Variants in GNL3L observed in about 807,000 individuals in gnomAD.
GNL3L encodes the protein guanine nucleotide-binding protein-like 3-like protein.
A neutral mutation model predicts 42.9 loss-of-function variants in GNL3L; 4 were observed. The observed-to-expected ratio is 0.09, with a 90% CI of 0.05 to 0.21. The LOEUF (loss-of-function observed/expected upper bound fraction) is 0.21. GNL3L is among the 10% of genes least tolerant of loss of function. GNL3L has a pLI of 1.00. For synonymous variants in GNL3L, 159 were observed against 176.3 expected, an observed-to-expected ratio of 0.90 and a Z score of 0.78; for missense variants, 412 against 481.7, an observed-to-expected ratio of 0.86 and a Z score of 1.36.
intron 16 of GNL3L, among the ~76,000 whole-genome samples, chrX:54,586,956 G>A (rs1166990197): frequency 1.8e-5 from 2 of 111,834 alleles, no homozygotes; most frequent in Non-Finnish European, 3.8e-5. Context: ...TGGAGACAAG[G>A]CCAACCAACC....
chrX:54,573,667 A>C (rs1411637192), intron 16 of GNL3L, among the ~76,000 whole-genome samples: 1 of 111,650 alleles, frequency 9.0e-6, no homozygotes, highest in Admixed American at 9.5e-5. Context: ...CAACTCAGAC[A>C]TTGTAGTTTT....
Position 54,560,806 on chromosome X carries a change from C to T in GNL3L, c.*204C>T, listed in dbSNP as rs1387970153. ...CTGTAATCCCAGCACTTTGGGAGGC[C>T]GAGGTGGGCAGATCACCTGAGGTCA... is the stretch of plus-strand genomic sequence containing the variant. On this transcript the variant is annotated 3_prime_UTR_variant, in exon 16 of 16. Coordinates refer to ENST00000360845, the MANE Select transcript of GNL3L (RefSeq NM_001184819.2). 3.2e-5 allele frequency: 10 copies of T among 313,528 alleles called. No individual in the cohort carries two copies. The highest frequency in any genetic ancestry group is 2.0e-4 in the South Asian group (3 of 15,326). The allele number at this position is 313,528 out of a possible 1,213,427, so 25.8% of individuals were successfully genotyped here. A position where few individuals can be genotyped will look rare whatever the true frequency, so the allele number is the denominator to read the frequency against.
intron 10 of GNL3L, 104 bp from the exon 11 acceptor site, chrX:54,551,464 C>A: frequency 1.6e-6 from 1 of 643,808 alleles, no homozygotes; most frequent in Non-Finnish European, 2.5e-6. Context: ...GTCTCTAATG[C>A]ACCCTCCCCT....
At chrX:54,585,424 T>G (rs1925771052) in intron 16 of GNL3L, among the ~76,000 whole-genome samples, 1 of 111,547 alleles carries the variant, frequency 9.0e-6, no homozygotes, top group African/African-American at 3.3e-5. Context: ...GATTACTGAT[T>G]CAGTCTTCTA....
intron 8 of GNL3L, 94 bp downstream of exon 8, chrX:54,544,420 T>C: frequency 4.3e-6 from 2 of 469,575 alleles, no homozygotes; most frequent in Non-Finnish European, 7.6e-6. Flanking sequence ...TCCAGCCCTT[T>C]AGTAATTGAA....
chrX:54,548,313 G>T lies in GNL3L; in HGVS notation c.715G>T (p.Val239Phe). ...ACFGAENLMR[V>F]LGNYCRLGEV... ...CTTTGGAGCTGAAAACCTCATGAGG[G>T]TTCTGGGGAACTATTGCCGCCTTGG... Residue 239 changes from valine to phenylalanine, a missense_variant, in exon 9 of 16, where the codon GTT (valine) becomes TTT (phenylalanine). By Grantham distance (50) the Val-to-Phe change is conservative (BLOSUM62 -1). Transcript: ENST00000360845. 1 of 1,205,706 alleles carries T rather than the reference G, an allele frequency of 8.3e-7. No homozygotes were observed. The highest frequency in any genetic ancestry group is 1.8e-5 in the South Asian group (1 of 56,716).
At chrX:54,567,687 C>T (rs1333084713), downstream of GNL3L, among the ~76,000 whole-genome samples, 2 of 109,071 alleles carry the variant, frequency 1.8e-5, no homozygotes, top group Non-Finnish European at 3.8e-5. Context: ...GCATCCCTGT[C>T]TTGTTTCTGA....
At chrX:54,568,406 T>C (rs7891934), downstream of GNL3L, among the ~76,000 whole-genome samples, 1,276 of 111,731 alleles carry the variant, frequency 0.011, 15 homozygotes, top group African/African-American at 0.04. Context: ...TGAGTTTCAC[T>C]GGGCCAAAAT....
rs749670623 is a variant in GNL3L, at chrX:54,544,268, G to A, written c.572G>A (p.Arg191Gln). The change falls in exon 8 of 16, where the codon CGG becomes CAG. Residue 191 changes from arginine to glutamine, a missense_variant. Transcript: ENST00000360845. ...EVVEKWLDYL[R>Q]NELPTVAFKA... is the part of the protein sequence containing the mutation. Reference sequence around the variant, plus strand: ...GTGGAGAAATGGCTGGATTACCTTCGGAATGAGTTGCCAACCGTGGCTTTC... The same window carrying A: ...GTGGAGAAATGGCTGGATTACCTTCAGAATGAGTTGCCAACCGTGGCTTTC... 50 of 1,195,406 alleles carry A rather than the reference G, an allele frequency of 4.2e-5. No homozygotes were observed. The Middle Eastern group carries it at 1.4e-3, about 33-fold the overall frequency.
chrX:54,600,322 G>T (rs1288503746), intron 16 of GNL3L, among the ~76,000 whole-genome samples: 1 of 100,534 alleles, frequency 9.9e-6, no homozygotes, highest in Admixed American at 1.2e-4. Context: ...TGCATCCCGG[G>T]TTCAAGTGAT....
intron 16 of GNL3L, among the ~76,000 whole-genome samples, chrX:54,596,483 A>G (rs1277090989): frequency 9.0e-6 from 1 of 111,574 alleles, no homozygotes; most frequent in African/African-American, 3.3e-5. Flanking sequence ...TATAGCCACC[A>G]CCAGTAGGAC....
chrX:54,543,162 C>T, intron 6 of GNL3L, 45 bp from the exon 7 acceptor site: 1 of 1,193,487 alleles, frequency 8.4e-7, no homozygotes, highest in Non-Finnish European at 1.1e-6. Context: ...ATCACTGCTA[C>T]CCTATCCTTT....
intron 2 of GNL3L, among the ~76,000 whole-genome samples, chrX:54,535,150 G>A (rs975944446): frequency 1.8e-5 from 2 of 111,459 alleles, no homozygotes; most frequent in African/African-American, 6.5e-5. Context: ...ATGCAGTCTC[G>A]CCCTGTCACC....
At chrX:54,536,301 T>C (rs1302327632) in intron 2 of GNL3L, among the ~76,000 whole-genome samples, 1 of 109,269 alleles carries the variant, frequency 9.2e-6, no homozygotes, top group Non-Finnish European at 1.9e-5. Flanking sequence ...GGTCTTGAAC[T>C]TCTGACCTCA....
At chrX:54,546,427 G>A (rs760532383) in intron 8 of GNL3L, among the ~76,000 whole-genome samples, 2 of 111,245 alleles carry the variant, frequency 1.8e-5, no homozygotes, top group African/African-American at 3.3e-5. Context: ...TAGAGAAAGG[G>A]AGTGGCTGGG....
chrX:54,610,786 C>G (rs891953911), intron 16 of GNL3L, among the ~76,000 whole-genome samples: 1 of 111,596 alleles, frequency 9.0e-6, no homozygotes, highest in Non-Finnish European at 1.9e-5. Flanking sequence ...CTATGTTCAT[C>G]AAGGATATTG....
the GNL3L span, among the ~76,000 whole-genome samples, chrX:54,637,268 C>T: frequency 5.9e-3 from 654 of 111,074 alleles, 1 homozygote; most frequent in Non-Finnish European, 0.01. Flanking sequence ...ATTATGACCC[C>T]GAAATTAAAT....
chrX:54,531,335 G>A (rs1405794722), intron 1 of GNL3L, among the ~76,000 whole-genome samples: 3 of 108,916 alleles, frequency 2.8e-5, no homozygotes, highest in Non-Finnish European at 5.7e-5. Context: ...CTCCCTCCCT[G>A]TAATGTTGAG....
intron 6 of GNL3L, 80 bp downstream of exon 6, chrX:54,543,118 G>A: frequency 9.0e-7 from 1 of 1,105,516 alleles, no homozygotes; most frequent in Non-Finnish European, 1.2e-6. Flanking sequence ...GTTTTTTCCT[G>A]ACTGAGATGG....
Sources: gnomAD v4.1 joint callset for allele counts (sites outside exome capture counted in the v4.1 genomes callset) on GRCh38, gnomAD v4.1.1 for gene constraint, MANE v1.5 for transcripts, NCBI Gene and HGNC (gene_info 2026-07-23, HGNC 2026-07-21) for gene names.